Variants in ATP9A observed in about 807,000 individuals in gnomAD.
The protein encoded by ATP9A is probable phospholipid-transporting ATPase IIA.
Under a neutral mutation model 144.1 loss-of-function variants are expected in ATP9A, and 52 were observed. The ratio of observed to expected loss-of-function variants is 0.36; its 90% CI spans 0.29 to 0.45. The LOEUF is 0.45. ATP9A is among the 20% of genes least tolerant of loss of function. ATP9A has a pLI of 1.00. For missense variants in ATP9A, 947 were observed against 1,392.7 expected (o/e 0.68, Z 5.09); for synonymous variants, 582 against 557.4 (o/e 1.04, Z -0.62).
chr20:51,762,419 C>CT lies in ATP9A; in HGVS notation c.68+5882_68+5883insA, dbSNP rs2077884720. 2.0e-5 allele frequency among the ~76,000 whole-genome samples: 3 copies of CT among 151,480 alleles called. No homozygotes were observed. The Admixed American group carries it at 2.0e-4, about 10-fold the overall frequency. ...GCTGGGGCAGGAGAACTGCTTGAAC[C>CT]GGGAGGCAGAGGTTGCAGTGAGCCA... On this transcript the variant is annotated intron_variant, in intron 1 of 27. Transcript: ENST00000338821.
At chr20:51,697,829 C>T (rs1034354921) in intron 4 of ATP9A, among the ~76,000 whole-genome samples, 4 of 151,790 alleles carry the variant, frequency 2.6e-5, no homozygotes, top group Non-Finnish European at 5.9e-5. Context: ...TGCAAAGTAC[C>T]GGGGGAAAAA....
At chr20:51,640,175 A>G (rs1240567063) in intron 14 of ATP9A, among the ~76,000 whole-genome samples, 1 of 152,092 alleles carries the variant, frequency 6.6e-6, no homozygotes, top group Non-Finnish European at 1.5e-5. Flanking sequence ...CAAGCTAAAC[A>G]ATAAAAAAAA....
intron 7 of ATP9A, among the ~76,000 whole-genome samples, chr20:51,693,106 C>T (rs2077555312): frequency 6.6e-6 from 1 of 152,196 alleles, no homozygotes; most frequent in Non-Finnish European, 1.5e-5. Context: ...GCCATCCTCT[C>T]AGCCAGGGCC....
intron 3 of ATP9A, among the ~76,000 whole-genome samples, chr20:51,715,951 C>T (rs2077660074): frequency 6.6e-6 from 1 of 151,864 alleles, no homozygotes; most frequent in Admixed American, 6.6e-5. Flanking sequence ...CCAAGTTGTA[C>T]CTCAAAAATA....
intron 3 of ATP9A, among the ~76,000 whole-genome samples, chr20:51,718,290 C>T (rs982789051): frequency 2.0e-5 from 3 of 151,346 alleles, no homozygotes; most frequent in Non-Finnish European, 2.9e-5. Flanking sequence ...TAAGAAGGCA[C>T]TGGAAGGAAA....
intron 9 of ATP9A, among the ~76,000 whole-genome samples, chr20:51,677,819 C>T: frequency 6.6e-6 from 1 of 151,996 alleles, no homozygotes; most frequent in East Asian, 1.9e-4. Flanking sequence ...GGCCAGTGAA[C>T]AAGAGGAAAA....
At chr20:51,665,445 G>A (rs141527819) in intron 13 of ATP9A, among the ~76,000 whole-genome samples, 16 of 152,172 alleles carry the variant, frequency 1.1e-4, no homozygotes, top group African/African-American at 3.1e-4. Flanking sequence ...ATTGCCAGGC[G>A]TGGTGGTTCA....
chr20:51,708,702 C>T (rs944494669), intron 4 of ATP9A, among the ~76,000 whole-genome samples: 2 of 152,176 alleles, frequency 1.3e-5, no homozygotes, highest in Non-Finnish European at 2.9e-5. Flanking sequence ...CGCTACTGCA[C>T]TCTAGCCTGG....
chr20:51,765,183 G>C (rs1012018212), intron 1 of ATP9A, among the ~76,000 whole-genome samples: 1 of 151,980 alleles, frequency 6.6e-6, no homozygotes, highest in Non-Finnish European at 1.5e-5. Flanking sequence ...CCATCCCCCA[G>C]CCCCTAGTTC....
At position 51,751,252 on chromosome 20, in the gene ATP9A, G is replaced by GTT. The variant is rs1160458034; in HGVS notation, c.68+17048_68+17049dup. On this transcript the variant is annotated intron_variant, in intron 1 of 27. Coordinates refer to ENST00000338821, the MANE Select transcript of ATP9A (RefSeq NM_006045.3). ...TCTTGAGATTTTTTAACGTTTCTGG[G>GTT]TTTTTTTTGTTTTTTTTTTTTTTTT... is the stretch of plus-strand genomic sequence containing the variant. 1.6e-3 allele frequency among the ~76,000 whole-genome samples: 214 copies of GTT among 131,840 alleles called. 1 individual carries two copies. Among genetic ancestry groups the GTT allele is most frequent in the Non-Finnish European group, 2.8e-3 (174 of 61,646 alleles). The allele number at this position is 131,840 out of a possible 152,430, so 86.5% of individuals were successfully genotyped here.
At position 51,619,043 on chromosome 20, in the gene ATP9A, C is replaced by T; in HGVS notation, c.2116G>A (p.Val706Met). ...AGGTGAGCCTCCCCGCGGTTGGTCA[C>T]CTGGAAGGGAACAGAGATGGGGAAG... Reference protein sequence around the residue: ...RNQDIHVFRLVTNRGEAHLEL... With the variant: ...RNQDIHVFRLMTNRGEAHLEL... The change falls in exon 20 of 28, where the codon GTG becomes ATG. Residue 706 changes from valine (V) to methionine (M), a missense_variant and splice_region_variant. Val to Met is a conservative substitution (Grantham distance 21, BLOSUM62 1). Transcript: ENST00000338821. 1 of 1,613,326 alleles carries T rather than the reference C, an allele frequency of 6.2e-7. No homozygotes were observed. The highest frequency in any genetic ancestry group is 8.5e-7 in the Non-Finnish European group (1 of 1,179,304).
chr20:51,671,753 T>C (rs1375960238), intron 11 of ATP9A, among the ~76,000 whole-genome samples: 1 of 151,844 alleles, frequency 6.6e-6, no homozygotes, highest in African/African-American at 2.4e-5. Flanking sequence ...ACCCTAGCCC[T>C]GGCAGCCCCT....
chr20:51,757,095 G>A (rs557784829), intron 1 of ATP9A, among the ~76,000 whole-genome samples: 76 of 152,182 alleles, frequency 5.0e-4, no homozygotes, highest in African/African-American at 1.7e-3. Context: ...GCATCTAGTG[G>A]GCAGAGGCCA....
rs2077536087 is a variant in ATP9A, at chr20:51,689,106, T to G, written c.757A>C (p.Ser253Arg). Residue 253 changes from serine to arginine, a missense_variant, in exon 9 of 28, where the codon AGC becomes CGC. Ser to Arg is a moderately radical substitution (Grantham distance 110). Around this residue, in one of 2 missense-constraint regions of ATP9A, gnomAD observed 770 missense variants for 1,047.9 expected, o/e 0.73. Coordinates refer to ENST00000338821, the MANE Select transcript of ATP9A (RefSeq NM_006045.3). ...DSDPPISESL[S>R]IENTLWAGTV... is the part of the protein sequence containing the mutation. ...CCAGCCCACAGCGTGTTCTCTATGC[T>G]CAGGCTCTCGCTGATCGGGGGGTCG... The G allele has an allele frequency of 6.2e-7, 1 of 1,614,048 alleles. No individual in the cohort carries two copies.
chr20:51,703,831 T>A (rs1024085170), intron 4 of ATP9A, among the ~76,000 whole-genome samples: 1 of 152,192 alleles, frequency 6.6e-6, no homozygotes, highest in Non-Finnish European at 1.5e-5. Context: ...ACTTGTATTT[T>A]TCATTGTTCA....
At chr20:51,757,139 C>A (rs2077860020) in intron 1 of ATP9A, among the ~76,000 whole-genome samples, 1 of 152,128 alleles carries the variant, frequency 6.6e-6, no homozygotes, top group African/African-American at 2.4e-5. Context: ...ATGCCCAGGA[C>A]AGCCTCCATA....
At chr20:51,663,883 A>G (rs2077422050) in intron 13 of ATP9A, among the ~76,000 whole-genome samples, 1 of 151,938 alleles carries the variant, frequency 6.6e-6, no homozygotes, top group Admixed American at 6.6e-5. Flanking sequence ...GCTCTCTGGC[A>G]GTCAGTACTG....
At chr20:51,643,429 C>A (rs1427945854) in intron 14 of ATP9A, among the ~76,000 whole-genome samples, 2 of 152,120 alleles carry the variant, frequency 1.3e-5, no homozygotes, top group Non-Finnish European at 2.9e-5. Flanking sequence ...GAAACCTAAT[C>A]CCCAATATGA....
At chr20:51,686,537 G>C (rs1437367367) in intron 9 of ATP9A, among the ~76,000 whole-genome samples, 1 of 152,130 alleles carries the variant, frequency 6.6e-6, no homozygotes, top group Non-Finnish European at 1.5e-5. Context: ...TTCTAACAAA[G>C]TAATGAGAAA....
Sources: gnomAD v4.1 joint callset for allele counts (sites outside exome capture counted in the v4.1 genomes callset) on GRCh38, gnomAD v4.1.1 for gene constraint, gnomAD v4.1.1 regional missense constraint, MANE v1.5 for transcripts, NCBI Gene and HGNC (gene_info 2026-07-23, HGNC 2026-07-21) for gene names.